MAF: variants seen among roughly 807,000 people sequenced by gnomAD.
MAF encodes the protein MAF bZIP transcription factor, also known as transcription factor Maf.
Under a neutral mutation model 22.0 loss-of-function variants are expected in MAF, and 10 were observed. The observed-to-expected ratio is 0.45, with a 90% confidence interval of 0.28 to 0.77. The LOEUF (loss-of-function observed/expected upper bound fraction) is 0.77. Ranked by LOEUF, MAF falls within the 30% of genes least tolerant of loss-of-function variation. The probability of loss-of-function intolerance (pLI) is 0.12; values close to 1 mark genes in which losing one functional copy is unlikely to be tolerated. For missense variants in MAF, 544 were observed against 548.4 expected (o/e 0.99, Z 0.08); for synonymous variants, 337 against 255.8 (o/e 1.32, Z -3.03).
At chr16:79,250,337 G>A in the MAF span, among the ~76,000 whole-genome samples, 2 of 152,332 alleles carry the variant, frequency 1.3e-5, no homozygotes, top group South Asian at 4.1e-4. Context: ...ACGCTTTTAA[G>A]GCAATCTGCA....
chr16:79,376,203 T>C, the MAF span, among the ~76,000 whole-genome samples: 18 of 152,160 alleles, frequency 1.2e-4, no homozygotes, highest in Non-Finnish European at 2.2e-4. Flanking sequence ...ATTAGTTTAG[T>C]TGGTTTTATT....
chr16:79,599,609 C>G lies in MAF; in HGVS notation c.294G>C (p.Pro98=). 6.2e-7 allele frequency: 1 copy of G among 1,610,084 alleles called. No homozygotes were observed. The highest frequency in any genetic ancestry group is 8.5e-7 in the Non-Finnish European group (1 of 1,178,920). ...LEDYYWMTGY[P]QQLNPEALGF... Reference sequence around the variant, plus strand: ...CCAGCGCCTCGGGGTTCAGCTGCTGCGGGTAGCCGGTCATCCAGTAGTAGT... The same window carrying G: ...CCAGCGCCTCGGGGTTCAGCTGCTGGGGGTAGCCGGTCATCCAGTAGTAGT... Residue 98 remains proline, a synonymous_variant, in exon 1 of 2, where the codon CCG becomes CCC. Transcript: ENST00000326043.
chr16:79,499,665 C>T, the MAF span, among the ~76,000 whole-genome samples: 1 of 152,132 alleles, frequency 6.6e-6, no homozygotes, highest in Admixed American at 6.5e-5. Flanking sequence ...AGGCACCATC[C>T]ACGAACTAGG....
chr16:79,555,823 C>T, the MAF span, among the ~76,000 whole-genome samples: 1 of 152,110 alleles, frequency 6.6e-6, no homozygotes, highest in African/African-American at 2.4e-5. Context: ...TTCTACCAAA[C>T]AGATAACACA....
chr16:79,500,520 A>G, the MAF span, among the ~76,000 whole-genome samples: 35 of 151,454 alleles, frequency 2.3e-4, no homozygotes, highest in African/African-American at 6.3e-4. Context: ...CAGCCATCCT[A>G]CTCCTTCTTC....
At chr16:79,410,638 T>G in the MAF span, among the ~76,000 whole-genome samples, 1 of 152,176 alleles carries the variant, frequency 6.6e-6, no homozygotes, top group Non-Finnish European at 1.5e-5. Context: ...GTAACATGCA[T>G]GGCTGTGACA....
intron 1 of MAF, chr16:79,598,186 G>T (rs1235595379): frequency 2.5e-4 from 267 of 1,049,288 alleles, no homozygotes; most frequent in Non-Finnish European, 2.9e-4. Context: ...CTTTCATCTC[G>T]GAAGAGATGG....
the MAF span, among the ~76,000 whole-genome samples, chr16:79,419,463 C>T: frequency 6.6e-6 from 1 of 152,210 alleles, no homozygotes; most frequent in Non-Finnish European, 1.5e-5. Context: ...CCTCAGTCGC[C>T]TTACAGTTTC....
chr16:79,551,701 A>G, the MAF span, among the ~76,000 whole-genome samples: 6 of 152,196 alleles, frequency 3.9e-5, no homozygotes, highest in African/African-American at 1.4e-4. Context: ...AAGTCAAAAG[A>G]ATAGTATTTA....
At chr16:79,598,693 G>A (rs2143795409) in intron 1 of MAF, 92 bp downstream of exon 1, 1 of 1,578,904 alleles carries the variant, frequency 6.3e-7, no homozygotes, top group Non-Finnish European at 8.6e-7. Flanking sequence ...GTGGTGGCGA[G>A]CATGGCTCTA....
chr16:79,520,639 C>A, the MAF span, among the ~76,000 whole-genome samples: 1 of 152,130 alleles, frequency 6.6e-6, no homozygotes, highest in Non-Finnish European at 1.5e-5. Context: ...TCTGGCAGTG[C>A]TAGAGAGACA....
At chr16:79,345,641 G>C in the MAF span, among the ~76,000 whole-genome samples, 101 of 139,172 alleles carry the variant, frequency 7.3e-4, no homozygotes, top group African/African-American at 2.5e-3. Flanking sequence ...GGCAGGAGAA[G>C]TGCTTGAACC....
chr16:79,486,838 A>G, the MAF span, among the ~76,000 whole-genome samples: 1 of 152,240 alleles, frequency 6.6e-6, no homozygotes, highest in African/African-American at 2.4e-5. Context: ...TGTTTGAGAA[A>G]TAAAGTTTAT....
chr16:79,504,479 A>T, the MAF span, among the ~76,000 whole-genome samples: 1 of 152,234 alleles, frequency 6.6e-6, no homozygotes, highest in African/African-American at 2.4e-5. Context: ...CAAGTATCTT[A>T]TTGGGATTTC....
chr16:79,513,895 C>A, the MAF span, among the ~76,000 whole-genome samples: 1 of 152,108 alleles, frequency 6.6e-6, no homozygotes, highest in Non-Finnish European at 1.5e-5. Context: ...CCAGTCTTTT[C>A]GGCACTGAAT....
the MAF span, among the ~76,000 whole-genome samples, chr16:79,415,565 C>A: frequency 2.0e-5 from 3 of 152,256 alleles, no homozygotes; most frequent in South Asian, 2.1e-4. Flanking sequence ...CTGCCTTGCT[C>A]AGTGTGGTCA....
chr16:79,526,287 A>C, the MAF span, among the ~76,000 whole-genome samples: 4 of 152,160 alleles, frequency 2.6e-5, no homozygotes, highest in African/African-American at 4.8e-5. Flanking sequence ...GGCATTAGTT[A>C]GATTCTCATA....
the MAF span, among the ~76,000 whole-genome samples, chr16:79,440,045 T>C: frequency 6.6e-6 from 1 of 152,246 alleles, no homozygotes; most frequent in African/African-American, 2.4e-5. Flanking sequence ...CAGATTCCTT[T>C]GGCTCAGTTC....
the MAF span, among the ~76,000 whole-genome samples, chr16:79,530,843 G>T: frequency 2.0e-5 from 3 of 152,190 alleles, no homozygotes; most frequent in Non-Finnish European, 4.4e-5. Flanking sequence ...GCAGGTCTAT[G>T]GGTGGAAGGA....
Sources: gnomAD v4.1 joint callset for allele counts (sites outside exome capture counted in the v4.1 genomes callset) on GRCh38, gnomAD v4.1.1 for gene constraint, MANE v1.5 for transcripts, NCBI Gene and HGNC (gene_info 2026-07-23, HGNC 2026-07-21) for gene names.